The following SCCPDH variants were observed in gnomAD, a reference collection of about 807,000 sequenced individuals.
The protein encoded by SCCPDH is saccharopine dehydrogenase (putative), also known as saccharopine dehydrogenase-like oxidoreductase.
In SCCPDH, 34 loss-of-function variants were observed where a neutral mutation model predicts 51.5. The ratio of observed to expected loss-of-function variants is 0.66; its 90% CI spans 0.50 to 0.88. The LOEUF (loss-of-function observed/expected upper bound fraction) is 0.88, where lower values mean the gene tolerates loss of function less well. Ranked by LOEUF, SCCPDH falls within the 40% of genes least tolerant of loss-of-function variation. The probability of loss-of-function intolerance (pLI) is 0.00; values close to 1 mark genes in which losing one functional copy is unlikely to be tolerated. For synonymous variants in SCCPDH, 187 were observed against 191.3 expected, an observed-to-expected ratio of 0.98 and a Z score of 0.19; for missense variants, 464 against 527.1, an observed-to-expected ratio of 0.88 and a Z score of 1.17.
chr1:246,765,153 A>G (rs1412145665), intron 10 of SCCPDH, among the ~76,000 whole-genome samples: 5 of 112,126 alleles, frequency 4.5e-5, no homozygotes, highest in Non-Finnish European at 3.8e-5. Context: ...GAACTGTGGT[A>G]TAATTACTGT....
chr1:246,759,875 A>G (rs969386156), intron 7 of SCCPDH, 82 bp from the exon 8 acceptor site: 37 of 1,407,920 alleles, frequency 2.6e-5, no homozygotes, highest in Non-Finnish European at 3.6e-5. Context: ...GTGATGGAAG[A>G]GAAAGGTACA....
intron 10 of SCCPDH, 91 bp downstream of exon 10, chr1:246,764,448 T>A: frequency 1.6e-6 from 1 of 610,826 alleles, no homozygotes; most frequent in Non-Finnish European, 2.8e-6. Context: ...TTTTAAAGCT[T>A]AATTGTTTTA....
chr1:246,761,320 C>T (rs2102990723), intron 9 of SCCPDH, among the ~76,000 whole-genome samples: 1 of 152,346 alleles, frequency 6.6e-6, no homozygotes, highest in East Asian at 1.9e-4. Context: ...CGTGATCCAC[C>T]TGCCTCAGCC....
At chr1:246,729,188 A>T (rs1668449611) in intron 2 of SCCPDH, among the ~76,000 whole-genome samples, 2 of 152,218 alleles carry the variant, frequency 1.3e-5, no homozygotes, top group South Asian at 4.1e-4. Context: ...AATTAGAATT[A>T]CTGATGAGGT....
At chr1:246,755,411 C>A (rs534739317) in intron 5 of SCCPDH, 32 of 152,356 alleles carry the variant, frequency 2.1e-4, no homozygotes, top group Admixed American at 2.0e-3. Flanking sequence ...GTTATTAAGT[C>A]AGCATAAACC....
intron 3 of SCCPDH, among the ~76,000 whole-genome samples, chr1:246,738,932 C>CT (rs1459403446): frequency 5.9e-5 from 9 of 152,164 alleles, no homozygotes; most frequent in Non-Finnish European, 1.2e-4. Flanking sequence ...ATTTATGTAG[C>CT]TTCTCCACAT....
At chr1:246,754,919 TTC>T (rs994414088) in intron 5 of SCCPDH, among the ~76,000 whole-genome samples, 15 of 152,366 alleles carry the variant, frequency 9.8e-5, no homozygotes, top group African/African-American at 3.1e-4. Flanking sequence ...ATTTTTTCTA[TTC>T]TGTTTCATTT....
rs1327979774 is a variant in SCCPDH at position 246,760,174 on chromosome 1, C to G, written c.937C>G (p.Pro313Ala). Residue 313 changes from proline (P) to alanine (A), a missense_variant, in exon 9 of 12, where the codon CCA (proline) becomes GCA (alanine). Physicochemically the swap from Pro to Ala is conservative, Grantham distance 27. Transcript: ENST00000366510. ...GIGRQLLIKF[P>A]WFFSFGYFSK... is the part of the protein sequence containing the mutation. ...GACGGTTTTTTTTTCCCTTTAGTTCCCATGGTTCTTCTCCTTTGGCTATTT... is the reference window on the plus strand; with the variant it reads ...GACGGTTTTTTTTTCCCTTTAGTTCGCATGGTTCTTCTCCTTTGGCTATTT... 1 of 1,608,226 alleles carries G rather than the reference C, an allele frequency of 6.2e-7. No homozygotes were observed. The highest frequency in any genetic ancestry group is 1.7e-5 in the Admixed American group (1 of 59,300).
intron 9 of SCCPDH, among the ~76,000 whole-genome samples, chr1:246,762,149 A>G (rs1274271420): frequency 1.3e-5 from 2 of 152,184 alleles, no homozygotes; most frequent in Non-Finnish European, 2.9e-5. Flanking sequence ...TTCATTTGCA[A>G]TTATTGGCCA....
At chr1:246,737,923 C>T (rs1406700038) in intron 3 of SCCPDH, among the ~76,000 whole-genome samples, 3 of 151,966 alleles carry the variant, frequency 2.0e-5, no homozygotes, top group East Asian at 2.0e-4. Context: ...GAGTTGGGCA[C>T]GTTGGCTCAT....
chr1:246,749,438 G>C (rs1353379647), intron 5 of SCCPDH, among the ~76,000 whole-genome samples: 1 of 152,164 alleles, frequency 6.6e-6, no homozygotes, highest in Non-Finnish European at 1.5e-5. Context: ...GGGGGTGCAG[G>C]ATGTGAGGAG....
chr1:246,761,792 A>G (rs2102990884), intron 9 of SCCPDH, among the ~76,000 whole-genome samples: 1 of 152,318 alleles, frequency 6.6e-6, no homozygotes, highest in African/African-American at 2.4e-5. Flanking sequence ...CCATTCATTC[A>G]TCAGTGAACA....
At chr1:246,766,209 A>G in intron 11 of SCCPDH, 70 bp downstream of exon 11, 1 of 1,144,302 alleles carries the variant, frequency 8.7e-7, no homozygotes, top group Non-Finnish European at 1.3e-6. Context: ...TTTTGATTTG[A>G]TTTTCAGGCT....
intron 5 of SCCPDH, among the ~76,000 whole-genome samples, chr1:246,752,805 G>GGAA (rs1453411783): frequency 6.6e-6 from 1 of 151,936 alleles, no homozygotes; most frequent in Admixed American, 6.6e-5. Flanking sequence ...TGATAAGTTT[G>GGAA]TTCCTGCCTC....
intron 5 of SCCPDH, among the ~76,000 whole-genome samples, chr1:246,751,537 A>G (rs773342143): frequency 6.6e-6 from 1 of 152,186 alleles, no homozygotes; most frequent in Non-Finnish European, 1.5e-5. Context: ...CTTTCCTTAC[A>G]CACCTTGCAC....
rs1668902121 is a variant in SCCPDH at position 246,754,578 on chromosome 1, G to A, written c.565-3648G>A. 3.9e-5 allele frequency among the ~76,000 whole-genome samples: 6 copies of A among 152,306 alleles called. No homozygotes were observed. The South Asian group carries it at 1.2e-3, about 32-fold the overall frequency. On this transcript the variant is annotated intron_variant, in intron 5 of 11. Transcript: ENST00000366510. ...AGGGCTTTATTCGGCTGGGAGCTTC[G>A]GCAAGACTCACGTCTCCAGCAGTCG...
intron 10 of SCCPDH, among the ~76,000 whole-genome samples, chr1:246,765,839 T>G (rs1224484293): frequency 6.6e-6 from 1 of 152,244 alleles, no homozygotes; most frequent in South Asian, 2.1e-4. Flanking sequence ...ATAATTGTTA[T>G]GAAAATTAAA....
At chr1:246,726,734 G>C (rs1196999415) in intron 1 of SCCPDH, among the ~76,000 whole-genome samples, 158 bp from the exon 2 acceptor site, 1 of 152,070 alleles carries the variant, frequency 6.6e-6, no homozygotes, top group Non-Finnish European at 1.5e-5. Flanking sequence ...TGTATTACCT[G>C]ATTAAAAACA....
chr1:246,740,430 ATGTTT>A (rs1668659875), intron 4 of SCCPDH, 129 bp downstream of exon 4: 1 of 709,056 alleles, frequency 1.4e-6, no homozygotes, highest in Non-Finnish European at 2.2e-6. Context: ...TATTAAACAC[ATGTTT>A]TGTTTTTAAT....
Sources: allele counts gnomAD v4.1 joint callset (sites outside exome capture counted in the v4.1 genomes callset), GRCh38; gene constraint gnomAD v4.1.1; transcripts MANE v1.5; gene names NCBI Gene and HGNC (gene_info 2026-07-23, HGNC 2026-07-21).